The following ZNF287 variants were observed in gnomAD, a reference collection of about 807,000 sequenced individuals.
ZNF287 encodes zinc finger protein 287.
In ZNF287, 31 loss-of-function variants were observed where a neutral mutation model predicts 73.7. The observed-to-expected ratio is 0.42, with a 90% confidence interval of 0.32 to 0.57. ZNF287 has a LOEUF of 0.57. ZNF287 is among the 20% of genes least tolerant of loss of function. ZNF287 has a pLI of 0.13. For synonymous variants in ZNF287, 301 were observed against 307.2 expected (o/e 0.98, Z 0.21); for missense variants, 641 against 909.3 (o/e 0.70, Z 3.79).
chr17:16,560,495 A>G (rs919180737), intron 5 of ZNF287, among the ~76,000 whole-genome samples: 18 of 150,916 alleles, frequency 1.2e-4, no homozygotes, highest in South Asian at 2.1e-4. Flanking sequence ...GATTACAGGC[A>G]CCCACCACCA....
chr17:16,553,990 A>G (rs965607133), intron 5 of ZNF287, among the ~76,000 whole-genome samples: 1 of 152,226 alleles, frequency 6.6e-6, no homozygotes, highest in African/African-American at 2.4e-5. Context: ...GACATACTGA[A>G]TCAGAAACTC....
At chr17:16,557,712 G>A (rs1188330491) in intron 5 of ZNF287, among the ~76,000 whole-genome samples, 2 of 152,106 alleles carry the variant, frequency 1.3e-5, no homozygotes, top group African/African-American at 4.8e-5. Flanking sequence ...TCCATTTTGA[G>A]GGTACAAGGG....
chr17:16,566,461 G>T, intron 3 of ZNF287, 64 bp downstream of exon 3: 1 of 1,383,952 alleles, frequency 7.2e-7, no homozygotes, highest in Non-Finnish European at 1.0e-6. Context: ...TATAGGGCCA[G>T]GTCAGAAAAT....
At position 16,549,529 on chromosome 17, in the gene ZNF287, T is replaced by G. The variant is rs1389832780; in HGVS notation, c.*2327A>C. ...AGCTATATAAGCACAGTTTGAGTAT[T>G]CTGCAACCTGTACTTTGTGCAGGAT... On this transcript the variant is annotated 3_prime_UTR_variant, in exon 6 of 6. Transcript: ENST00000395825. 6.6e-6 allele frequency among the ~76,000 whole-genome samples: 1 copy of G among 152,240 alleles called. No individual in the cohort carries two copies. The highest frequency in any genetic ancestry group is 1.5e-5 in the Non-Finnish European group (1 of 68,050).
chr17:16,563,902 T>G (rs1478059479), intron 3 of ZNF287, 77 bp from the exon 4 acceptor site: 4 of 1,521,334 alleles, frequency 2.6e-6, no homozygotes, highest in Non-Finnish European at 3.6e-6. Flanking sequence ...GGTATATGTA[T>G]GGTGGGGGAC....
chr17:16,553,546 C>T (rs2142462228), intron 5 of ZNF287, 120 bp from the exon 6 acceptor site: 1 of 767,648 alleles, frequency 1.3e-6, no homozygotes, highest in East Asian at 3.1e-5. Context: ...AAAACCTCAT[C>T]ATCATGGTCT....
chr17:16,553,152 C>G lies in ZNF287; in HGVS notation c.990G>C (p.Gln330His). Residue 330 changes from glutamine to histidine, a missense_variant, in exon 6 of 6, where the codon CAG becomes CAC. Coordinates refer to ENST00000395825, the MANE Select transcript of ZNF287 (RefSeq NM_020653.4). ...NFEKHSNLIV[Q>H]FDTQLDNKTS... Reference sequence around the variant, plus strand: ...TTTTATTATCTAATTGGGTATCAAACTGTACAATTAGGTTTGAATGCTTTT... The same window carrying G: ...TTTTATTATCTAATTGGGTATCAAAGTGTACAATTAGGTTTGAATGCTTTT... 6.2e-7 allele frequency: 1 copy of G among 1,609,692 alleles called. No individual in the cohort carries two copies. The highest frequency in any genetic ancestry group is 2.2e-5 in the East Asian group (1 of 44,862).
At chr17:16,555,962 T>C (rs1438247055) in intron 5 of ZNF287, among the ~76,000 whole-genome samples, 1 of 152,126 alleles carries the variant, frequency 6.6e-6, no homozygotes, top group Non-Finnish European at 1.5e-5. Context: ...TATGCAGTAA[T>C]TGAAAATGAC....
chr17:16,559,608 C>G (rs1309574394), intron 5 of ZNF287, among the ~76,000 whole-genome samples: 1 of 151,918 alleles, frequency 6.6e-6, no homozygotes, highest in African/African-American at 2.4e-5. Context: ...CACACACTTC[C>G]TAGCTCTATC....
At chr17:16,557,187 T>G (rs1421803791) in intron 5 of ZNF287, among the ~76,000 whole-genome samples, 1 of 152,178 alleles carries the variant, frequency 6.6e-6, no homozygotes, top group Non-Finnish European at 1.5e-5. Flanking sequence ...CTAAAACTTC[T>G]GAAACAGATC....
chr17:16,562,308 G>T (rs1907496597), intron 5 of ZNF287, among the ~76,000 whole-genome samples: 1 of 152,130 alleles, frequency 6.6e-6, no homozygotes, highest in East Asian at 1.9e-4. Flanking sequence ...ATACTTTTAA[G>T]TTAAAAAAGC....
At position 16,553,262 on chromosome 17, in the gene ZNF287, A is replaced by C; in HGVS notation, c.880T>G (p.Phe294Val). Residue 294 changes from phenylalanine to valine, a missense_variant, in exon 6 of 6, where the codon TTC (phenylalanine) becomes GTC (valine). Physicochemically the swap from Phe to Val is conservative, Grantham distance 50. Coordinates refer to ENST00000395825, the MANE Select transcript of ZNF287 (RefSeq NM_020653.4). ...TGTGAAAGGACTGACTTCAAACTGA[A>C]ACCTCTTTCATCAGTGTGAATTTTC... is the stretch of plus-strand genomic sequence containing the variant. ...FWKIHTDERG[F>V]SLKSVLSQEY... 6.2e-7 allele frequency: 1 copy of C among 1,613,684 alleles called. No individual in the cohort carries two copies. Among genetic ancestry groups the C allele is most frequent in the South Asian group, 1.1e-5 (1 of 91,052 alleles).
At chr17:16,564,225 G>A (rs955568224) in intron 3 of ZNF287, among the ~76,000 whole-genome samples, 1 of 152,150 alleles carries the variant, frequency 6.6e-6, no homozygotes, top group Non-Finnish European at 1.5e-5. Flanking sequence ...AAAAGAGACA[G>A]GGTCTTGCCT....
Position 16,548,957 on chromosome 17 carries a change from T to C in ZNF287, c.*2899A>G, listed in dbSNP as rs1482551160. ...ACTATTTGTTTTTTTTTTAAAGGTA[T>C]GTAAATGTATTGTGGTTATGTAAAA... On this transcript the variant is annotated 3_prime_UTR_variant, in exon 6 of 6. Coordinates refer to ENST00000395825, the MANE Select transcript of ZNF287 (RefSeq NM_020653.4). Among the ~76,000 whole-genome samples, 1 of 152,042 alleles carries C rather than the reference T, an allele frequency of 6.6e-6. No homozygotes were observed. The highest frequency in any genetic ancestry group is 1.5e-5 in the Non-Finnish European group (1 of 68,000).
chr17:16,560,959 C>T (rs1907415159), intron 5 of ZNF287, among the ~76,000 whole-genome samples: 1 of 151,234 alleles, frequency 6.6e-6, no homozygotes, highest in Non-Finnish European at 1.5e-5. Flanking sequence ...GCCAAGGTCC[C>T]CCCACTGCAC....
At chr17:16,555,446 A>C (rs1278124957) in intron 5 of ZNF287, among the ~76,000 whole-genome samples, 4 of 152,240 alleles carry the variant, frequency 2.6e-5, no homozygotes, top group Non-Finnish European at 5.9e-5. Flanking sequence ...AATTCTGGAA[A>C]TAGCTTATCC....
At position 16,552,384 on chromosome 17, in the gene ZNF287, G is replaced by A. The variant is rs1906734508; in HGVS notation, c.1758C>T (p.His586=). The A allele has an allele frequency of 6.2e-7, 1 of 1,614,002 alleles. No homozygotes were observed. Among genetic ancestry groups the A allele is most frequent in the Non-Finnish European group, 8.5e-7 (1 of 1,179,960 alleles). ...SSTLIQHQTT[H]TGEKSYICNI... Reference sequence around the variant, plus strand: ...TACATATATAGGATTTCTCTCCAGTGTGAGTGGTTTGATGTTGAATAAGGG... The same window carrying A: ...TACATATATAGGATTTCTCTCCAGTATGAGTGGTTTGATGTTGAATAAGGG... Residue 586 remains histidine (H), a synonymous_variant, in exon 6 of 6, where the codon CAC becomes CAT. Coordinates refer to ENST00000395825, the MANE Select transcript of ZNF287 (RefSeq NM_020653.4). The surrounding 1 kb of genome is among the most constrained non-coding windows in gnomAD (Gnocchi z 6.5).
In ZNF287 at chr17:16,567,798, A is replaced by C. The variant is rs536585367; in HGVS notation, c.-67T>G. On this transcript the variant is annotated 5_prime_UTR_variant, in exon 2 of 6. Coordinates refer to ENST00000395825, the MANE Select transcript of ZNF287 (RefSeq NM_020653.4). ...CTCCAGTAGTGAGCCAACTGCTTGAAGTCTCATGCTAGAGTCACAAGGACA... is the reference window on the plus strand; with the variant it reads ...CTCCAGTAGTGAGCCAACTGCTTGACGTCTCATGCTAGAGTCACAAGGACA... The C allele has an allele frequency of 6.5e-7, 1 of 1,531,136 alleles. No individual in the cohort carries two copies. The highest frequency in any genetic ancestry group is 1.9e-4 in the Middle Eastern group (1 of 5,390). 94.8% of individuals were successfully genotyped at this position (1,531,136 alleles called of 1,614,324 possible). A position where few individuals can be genotyped will look rare whatever the true frequency, so the allele number is the denominator to read the frequency against.
intron 2 of ZNF287, 61 bp downstream of exon 2, chr17:16,567,266 ATG>A: frequency 6.5e-7 from 1 of 1,544,580 alleles, no homozygotes; most frequent in Non-Finnish European, 8.7e-7. Context: ...AGCTGCTCAG[ATG>A]TGCTAGTTGT....
Sources: allele counts gnomAD v4.1 joint callset (sites outside exome capture counted in the v4.1 genomes callset), GRCh38; gene constraint gnomAD v4.1.1; non-coding constraint Gnocchi (gnomAD v3.1); transcripts MANE v1.5; gene names NCBI Gene and HGNC (gene_info 2026-07-23, HGNC 2026-07-21).